PID1: variants seen among roughly 807,000 people sequenced by gnomAD.
The protein encoded by PID1 is phosphotyrosine interaction domain containing 1, also known as PTB-containing, cubilin and LRP1-interacting protein.
Under a neutral mutation model 19.1 loss-of-function variants are expected in PID1, and 10 were observed. That is an observed-to-expected ratio of 0.52 (90% confidence interval 0.32 to 0.89). PID1 has a LOEUF of 0.89. PID1 is among the 40% of genes least tolerant of loss of function. The pLI is 0.03. For missense variants in PID1, 248 were observed against 285.3 expected (o/e 0.87, Z 0.94); for synonymous variants, 130 against 116.0 (o/e 1.12, Z -0.78).
chr2:229,135,752 G>A lies in PID1; in HGVS notation c.177+20066C>T, dbSNP rs146747548. 4.6e-5 allele frequency among the ~76,000 whole-genome samples: 7 copies of A among 152,260 alleles called. No homozygotes were observed. In the East Asian group the frequency reaches 1.4e-3, roughly 29 times the overall value. On this transcript the variant is annotated intron_variant, in intron 2 of 2. Transcript: ENST00000392055. Reference sequence around the variant, plus strand: ...TGTCATGTCCAGAAGGAACCTGGGGGCAGAAAAAAAGACTTGAAGCTAAGG... The same window carrying A: ...TGTCATGTCCAGAAGGAACCTGGGGACAGAAAAAAAGACTTGAAGCTAAGG...
chr2:229,167,543 T>TA, intron 1 of PID1, among the ~76,000 whole-genome samples: 1 of 152,024 alleles, frequency 6.6e-6, no homozygotes, highest in Non-Finnish European at 1.5e-5. Flanking sequence ...TCAAAAACGT[T>TA]ACAGTTATAA....
chr2:229,222,004 C>A (rs1404047047), intron 1 of PID1, among the ~76,000 whole-genome samples: 2 of 152,246 alleles, frequency 1.3e-5, no homozygotes, highest in African/African-American at 4.8e-5. Context: ...CCTGCCTAGA[C>A]CATTACAAAG....
intron 1 of PID1, among the ~76,000 whole-genome samples, chr2:229,258,706 A>G (rs1690370893): frequency 6.6e-6 from 1 of 152,086 alleles, no homozygotes; most frequent in African/African-American, 2.4e-5. Context: ...AAAATACAAA[A>G]AATTAGCCGG....
intron 2 of PID1, among the ~76,000 whole-genome samples, chr2:229,109,204 T>C (rs749865627): frequency 8.5e-5 from 13 of 152,210 alleles, no homozygotes; most frequent in Non-Finnish European, 1.6e-4. Flanking sequence ...GGTAGCCGAA[T>C]CACCTATTTG....
intron 1 of PID1, among the ~76,000 whole-genome samples, chr2:229,205,642 A>T (rs1414058886): frequency 6.6e-6 from 1 of 152,176 alleles, no homozygotes; most frequent in East Asian, 1.9e-4. Flanking sequence ...TAGAGTTACA[A>T]GATCAGCAGC....
At chr2:229,265,564 G>A (rs531954971) in intron 1 of PID1, among the ~76,000 whole-genome samples, 42 of 152,204 alleles carry the variant, frequency 2.8e-4, no homozygotes, top group Non-Finnish European at 4.4e-4. Context: ...TTGGACAAAC[G>A]ACTCAACTAT....
intron 2 of PID1, among the ~76,000 whole-genome samples, chr2:229,031,187 A>G (rs1807523): frequency 0.58 from 81,508 of 141,066 alleles, 23,861 homozygotes; most frequent in African/African-American, 0.66. Context: ...CTGCACTCCA[A>G]CCTGGGCAGC....
Position 229,073,335 on chromosome 2 carries a change from A to AT in PID1, c.178-47228dup, listed in dbSNP as rs536641813. On this transcript the variant is annotated intron_variant, in intron 2 of 2. Coordinates refer to ENST00000392055, the MANE Select transcript of PID1 (RefSeq NM_001100818.2). ...CCACCGCGCCCAGCCAATTGCTGCC[A>AT]TTTTTAAGCTAGGGTTTGACCAACT... is the stretch of plus-strand genomic sequence containing the variant. Among the ~76,000 whole-genome samples the AT allele has an allele frequency of 1.2e-4, 19 of 152,286 alleles. No homozygotes were observed. The South Asian group carries it at 3.9e-3, about 32-fold the overall frequency.
intron 2 of PID1, among the ~76,000 whole-genome samples, chr2:229,118,824 C>T (rs1442050349): frequency 6.6e-6 from 1 of 151,706 alleles, no homozygotes; most frequent in Non-Finnish European, 1.5e-5. Context: ...TCTTTTTGAA[C>T]AAGAGAAAAA....
chr2:229,243,574 G>T (rs956355604), intron 1 of PID1, among the ~76,000 whole-genome samples: 3 of 151,996 alleles, frequency 2.0e-5, no homozygotes, highest in African/African-American at 7.2e-5. Flanking sequence ...AGAAACATTT[G>T]TTGAATTAAT....
intron 2 of PID1, among the ~76,000 whole-genome samples, chr2:229,101,312 C>A (rs1695068643): frequency 6.6e-6 from 1 of 152,248 alleles, no homozygotes; most frequent in Non-Finnish European, 1.5e-5. Flanking sequence ...GTTTGCTGCA[C>A]TTATCAACCC....
At chr2:229,155,564 C>T (rs1429420431) in intron 2 of PID1, among the ~76,000 whole-genome samples, 1 of 149,292 alleles carries the variant, frequency 6.7e-6, no homozygotes, top group Non-Finnish European at 1.5e-5. Context: ...CAGAGCGAGA[C>T]TCCGTCTCAA....
chr2:229,177,716 C>A (rs1690853250), intron 1 of PID1, among the ~76,000 whole-genome samples: 1 of 152,038 alleles, frequency 6.6e-6, no homozygotes, highest in Non-Finnish European at 1.5e-5. Flanking sequence ...CCAGTTGAAC[C>A]CCTGGCATCT....
At chr2:229,047,748 T>G (rs934691886) in intron 2 of PID1, among the ~76,000 whole-genome samples, 2 of 152,182 alleles carry the variant, frequency 1.3e-5, no homozygotes, top group Admixed American at 6.5e-5. Context: ...TGTCCGGTGA[T>G]TCACAGGCAG....
chr2:229,195,406 A>G (rs370154819), intron 1 of PID1, among the ~76,000 whole-genome samples: 2 of 151,908 alleles, frequency 1.3e-5, no homozygotes, highest in East Asian at 3.9e-4. Flanking sequence ...TACATACATA[A>G]CATGCATACA....
intron 1 of PID1, among the ~76,000 whole-genome samples, chr2:229,202,331 A>G (rs1008937459): frequency 6.6e-6 from 1 of 151,876 alleles, no homozygotes; most frequent in East Asian, 1.9e-4. Flanking sequence ...CCTTTTATTC[A>G]CTCCTCTCAT....
At chr2:229,250,117 T>C (rs1303277819) in intron 1 of PID1, among the ~76,000 whole-genome samples, 1 of 152,218 alleles carries the variant, frequency 6.6e-6, no homozygotes, top group East Asian at 1.9e-4. Context: ...TTTGGCTTTG[T>C]TCCCTACAAT....
chr2:229,261,896 CTTT>C (rs34477126), intron 1 of PID1, among the ~76,000 whole-genome samples: 2 of 147,876 alleles, frequency 1.4e-5, no homozygotes, highest in Admixed American at 6.7e-5. Context: ...ACATGGCTGA[CTTT>C]TTTTTTTTTT....
At chr2:229,139,280 C>CA (rs1274190884) in intron 2 of PID1, among the ~76,000 whole-genome samples, 1 of 152,130 alleles carries the variant, frequency 6.6e-6, no homozygotes, top group Non-Finnish European at 1.5e-5. Context: ...AAAAGGGATA[C>CA]AGTGTCACAA....
Sources: allele counts gnomAD v4.1 joint callset (sites outside exome capture counted in the v4.1 genomes callset), GRCh38; gene constraint gnomAD v4.1.1; transcripts MANE v1.5; gene names NCBI Gene and HGNC (gene_info 2026-07-23, HGNC 2026-07-21).